The following LAMA2 variants were observed in gnomAD, a reference collection of about 807,000 sequenced individuals.
The protein encoded by LAMA2 is laminin subunit alpha-2.
A neutral mutation model predicts 364.8 loss-of-function variants in LAMA2; 269 were observed. The ratio of observed to expected loss-of-function variants is 0.74; its 90% CI spans 0.67 to 0.82. The LOEUF (loss-of-function observed/expected upper bound fraction) is 0.82. Among genes scored for constraint, LAMA2 ranks in the 40% least tolerant of loss-of-function variants. LAMA2 has a pLI of 0.00. For synonymous variants in LAMA2, 1,379 were observed against 1,370.6 expected, an observed-to-expected ratio of 1.01 and a Z score of -0.14; for missense variants, 3,807 against 3,873.2, an observed-to-expected ratio of 0.98 and a Z score of 0.45.
chr6:129,385,938 T>C (rs192407648), intron 35 of LAMA2, among the ~76,000 whole-genome samples: 1 of 152,312 alleles, frequency 6.6e-6, no homozygotes, highest in African/African-American at 2.4e-5. Flanking sequence ...AGATACTGTA[T>C]GCCTCTTAAG....
chr6:129,193,335 G>A (rs1467890489), intron 12 of LAMA2, among the ~76,000 whole-genome samples: 1 of 152,206 alleles, frequency 6.6e-6, no homozygotes, highest in Non-Finnish European at 1.5e-5. Flanking sequence ...CTAATTAAAT[G>A]CTTGCCATGA....
chr6:129,471,766 TGCTA>T (rs1411880362), intron 51 of LAMA2, among the ~76,000 whole-genome samples: 1 of 151,990 alleles, frequency 6.6e-6, no homozygotes, highest in Non-Finnish European at 1.5e-5. Context: ...AATCTTAACT[TGCTA>T]GCTATATTTA....
intron 1 of LAMA2, among the ~76,000 whole-genome samples, chr6:129,048,187 T>C (rs1227102649): frequency 6.6e-6 from 1 of 152,218 alleles, no homozygotes; most frequent in African/African-American, 2.4e-5. Context: ...ATTATAATTA[T>C]TATTATTATA....
intron 1 of LAMA2, among the ~76,000 whole-genome samples, chr6:129,011,269 T>C (rs1270383321): frequency 6.6e-6 from 1 of 152,138 alleles, no homozygotes; most frequent in Non-Finnish European, 1.5e-5. Context: ...CACACAGGAG[T>C]CCTTTCTAGA....
At chr6:129,047,513 T>A (rs566841521) in intron 1 of LAMA2, among the ~76,000 whole-genome samples, 1 of 151,844 alleles carries the variant, frequency 6.6e-6, no homozygotes, top group Non-Finnish European at 1.5e-5. Flanking sequence ...CAGATGAGAG[T>A]TGGGGGTCAC....
At chr6:129,148,917 G>A (rs1778637601) in intron 6 of LAMA2, 62 bp from the exon 7 acceptor site, 1 of 1,043,352 alleles carries the variant, frequency 9.6e-7, no homozygotes, top group African/African-American at 1.6e-5. Flanking sequence ...CCTTTAGAGA[G>A]AGGCTTCCTT....
chr6:129,164,982 T>C (rs1047044109), intron 8 of LAMA2, among the ~76,000 whole-genome samples: 1 of 152,172 alleles, frequency 6.6e-6, no homozygotes, highest in Non-Finnish European at 1.5e-5. Context: ...AATGGGGGAA[T>C]GAATGAATGT....
intron 1 of LAMA2, among the ~76,000 whole-genome samples, chr6:128,992,052 A>T: frequency 6.6e-6 from 1 of 152,370 alleles, no homozygotes; most frequent in East Asian, 1.9e-4. Context: ...AAAACGTCAG[A>T]TGCAATGATA....
At position 129,391,633 on chromosome 6, in the gene LAMA2, A is replaced by T; in HGVS notation, c.5214A>T (p.Glu1738Asp). 1 of 1,613,788 alleles carries T rather than the reference A, an allele frequency of 6.2e-7. No homozygotes were observed. Among genetic ancestry groups the T allele is most frequent in the Non-Finnish European group, 8.5e-7 (1 of 1,179,728 alleles). Residue 1738 changes from glutamate (E) to aspartate (D), a missense_variant, in exon 36 of 65, where the codon GAA (glutamate) becomes GAT (aspartate). By Grantham distance (45) the Glu-to-Asp change is conservative (BLOSUM62 2). This residue lies in a region of LAMA2 where 3,333 missense variants were observed against 3,345.7 expected (regional missense o/e 1.00). Transcript: ENST00000421865. Reference sequence around the variant, plus strand: ...GGAAAAATCTAGAGACACAAAAGGAAATTGCTGAAGATGAGTTGGTGTGAG... The same window carrying T: ...GGAAAAATCTAGAGACACAAAAGGATATTGCTGAAGATGAGTTGGTGTGAG... ...LRRKNLETQK[E>D]IAEDELVAAE... is the part of the protein sequence containing the mutation.
At chr6:129,358,791 C>T (rs1280466908) in intron 32 of LAMA2, among the ~76,000 whole-genome samples, 1 of 151,822 alleles carries the variant, frequency 6.6e-6, no homozygotes, top group Non-Finnish European at 1.5e-5. Flanking sequence ...CCATTTTTTT[C>T]CCCAAAGACC....
chr6:129,042,377 A>G (rs1313569663), intron 1 of LAMA2, among the ~76,000 whole-genome samples: 1 of 152,136 alleles, frequency 6.6e-6, no homozygotes, highest in Admixed American at 6.5e-5. Context: ...GCTTTATCAC[A>G]TATCTATCCA....
intron 4 of LAMA2, among the ~76,000 whole-genome samples, chr6:129,121,433 G>A (rs958562376): frequency 1.3e-5 from 2 of 151,978 alleles, no homozygotes; most frequent in Non-Finnish European, 2.9e-5. Context: ...AATTTAGCAT[G>A]AGTCATTCCC....
At position 129,464,436 on chromosome 6, in the gene LAMA2, T is replaced by G. The variant is rs758211853; in HGVS notation, c.7139T>G (p.Leu2380Arg). ...TCTTCGAGTGCTCTTCTGATGTATC[T>G]TGCCACACGAGACCTGGTAAAGATC... The part of the protein sequence containing the change: ...TFSSSALLMY[L>R]ATRDLRDFMS... The change falls in exon 50 of 65, where the codon CTT becomes CGT. Residue 2380 changes from leucine to arginine, a missense_variant. Around this residue, in one of 3 missense-constraint regions of LAMA2, gnomAD observed 3,333 missense variants for 3,345.7 expected, o/e 1.00. Coordinates refer to ENST00000421865, the MANE Select transcript of LAMA2 (RefSeq NM_000426.4). 1 of 1,612,204 alleles carries G rather than the reference T, an allele frequency of 6.2e-7. No individual in the cohort carries two copies. The highest frequency in any genetic ancestry group is 8.5e-7 in the Non-Finnish European group (1 of 1,178,604).
chr6:129,476,324 C>T (rs1206425831), intron 53 of LAMA2, among the ~76,000 whole-genome samples: 3 of 152,098 alleles, frequency 2.0e-5, no homozygotes, highest in South Asian at 2.1e-4. Flanking sequence ...ATAAACCATG[C>T]GTTTTATCAT....
At chr6:129,401,822 G>T (rs1035277376) in intron 38 of LAMA2, among the ~76,000 whole-genome samples, 1 of 141,252 alleles carries the variant, frequency 7.1e-6, no homozygotes, top group Non-Finnish European at 1.5e-5. Flanking sequence ...GTCTAAGTTG[G>T]TTTCTTAAAT....
chr6:129,313,234 C>G lies in LAMA2; in HGVS notation c.3411+137C>G, dbSNP rs1163996298. 1.3e-5 allele frequency: 8 copies of G among 615,026 alleles called. No homozygotes were observed. In the East Asian group the frequency reaches 2.1e-4, roughly 16 times the overall value. 38.1% of individuals were successfully genotyped at this position (615,026 alleles called of 1,614,324 possible). On this transcript the variant is annotated intron_variant, in intron 23 of 64. Coordinates refer to ENST00000421865, the MANE Select transcript of LAMA2 (RefSeq NM_000426.4). Reference sequence around the variant, plus strand: ...AGATGGACAAAATCTCATTGCCAGACATGGAGTTTTCATTGATATGCATTT... The same window carrying G: ...AGATGGACAAAATCTCATTGCCAGAGATGGAGTTTTCATTGATATGCATTT...
chr6:129,473,313 A>C lies in LAMA2; in HGVS notation c.7400A>C (p.Lys2467Thr). 1.2e-6 allele frequency: 2 copies of C among 1,612,714 alleles called. No individual in the cohort carries two copies. The highest frequency in any genetic ancestry group is 1.7e-6 in the Non-Finnish European group (2 of 1,179,078). The change falls in exon 52 of 65, where the codon AAA becomes ACA. Residue 2467 changes from lysine (K) to threonine (T), a missense_variant. By Grantham distance (78) the Lys-to-Thr change is moderately conservative (BLOSUM62 -1). Coordinates refer to ENST00000421865, the MANE Select transcript of LAMA2 (RefSeq NM_000426.4). ...NFGLDLKADD[K>T]IYFGGLPTLR... ...GGTCTTGACTTGAAAGCAGATGACA[A>C]AATATATTTTGGTGGCCTGCCAACG...
Position 129,366,269 on chromosome 6 carries a change from G to C in LAMA2, c.4768G>C (p.Glu1590Gln), listed in dbSNP as rs143206604. The C allele has an allele frequency of 1.4e-5, 22 of 1,613,734 alleles. No individual in the cohort carries two copies. Among genetic ancestry groups the C allele is most frequent in the Middle Eastern group, 1.6e-4 (1 of 6,082 alleles). ...TCTTCTCGGTGACTTGGCTCGCCTG[G>C]AGCAGATGGTCATGAGCATCAACCT... ...GLLLGDLARLEQMVMSINLTG... is the reference protein window; with the variant it reads ...GLLLGDLARLQQMVMSINLTG... Residue 1590 changes from glutamate (E) to glutamine (Q), a missense_variant, in exon 33 of 65, where the codon GAG (glutamate) becomes CAG (glutamine). Coordinates refer to ENST00000421865, the MANE Select transcript of LAMA2 (RefSeq NM_000426.4).
In LAMA2 at chr6:129,059,794, G is replaced by A. The variant is rs145752259; in HGVS notation, c.294G>A (p.Pro98=). 256 of 1,597,382 alleles carry A rather than the reference G, an allele frequency of 1.6e-4. No individual in the cohort carries two copies. The highest frequency in any genetic ancestry group is 2.1e-4 in the Non-Finnish European group (240 of 1,164,906). The part of the protein sequence containing the change: ...QNSSNPNQRH[P]ITNAIDGKNT... ...CTGCTAACTCAATAGAGAGACACCCGATTACAAATGCTATTGATGGAAAGA... is the reference window on the plus strand; with the variant it reads ...CTGCTAACTCAATAGAGAGACACCCAATTACAAATGCTATTGATGGAAAGA... The change falls in exon 3 of 65, where the codon CCG becomes CCA. Residue 98 remains proline, a synonymous_variant. Coordinates refer to ENST00000421865, the MANE Select transcript of LAMA2 (RefSeq NM_000426.4).
Sources: allele counts gnomAD v4.1 joint callset (sites outside exome capture counted in the v4.1 genomes callset), GRCh38; gene constraint gnomAD v4.1.1; regional missense constraint gnomAD v4.1.1; transcripts MANE v1.5; gene names NCBI Gene and HGNC (gene_info 2026-07-23, HGNC 2026-07-21).